TMEM170B: variants seen among roughly 807,000 people sequenced by gnomAD.
The protein encoded by TMEM170B is transmembrane protein 170B.
Under a neutral mutation model 13.0 loss-of-function variants are expected in TMEM170B, and 6 were observed. The observed-to-expected ratio is 0.46, with a 90% CI of 0.25 to 0.91. The LOEUF (loss-of-function observed/expected upper bound fraction) is 0.91, where lower values mean the gene tolerates loss of function less well. Among genes scored for constraint, TMEM170B ranks in the 40% least tolerant of loss-of-function variants. The pLI is 0.17. For missense variants in TMEM170B, 138 were observed against 165.2 expected (o/e 0.84, Z 0.90); for synonymous variants, 61 against 64.9 (o/e 0.94, Z 0.29).
At chr6:11,570,565 T>C (rs893598963) in intron 2 of TMEM170B, among the ~76,000 whole-genome samples, 1 of 152,128 alleles carries the variant, frequency 6.6e-6, no homozygotes, top group Non-Finnish European at 1.5e-5. Context: ...AAATAGAACA[T>C]ATGAATAGGA....
intron 1 of TMEM170B, among the ~76,000 whole-genome samples, chr6:11,549,280 G>A (rs1582139327): frequency 6.6e-6 from 1 of 151,854 alleles, no homozygotes. Context: ...GTGATATCAG[G>A]TGTGATAGGT....
At chr6:11,560,548 C>A (rs372507873) in intron 1 of TMEM170B, among the ~76,000 whole-genome samples, 4 of 146,730 alleles carry the variant, frequency 2.7e-5, no homozygotes, top group African/African-American at 1.0e-4. Flanking sequence ...GAGTTTGAGT[C>A]CAGCCTGGGC....
chr6:11,568,794 CTTCAG>C (rs1479105877), intron 2 of TMEM170B, among the ~76,000 whole-genome samples: 3 of 152,104 alleles, frequency 2.0e-5, no homozygotes, highest in Non-Finnish European at 4.4e-5. Context: ...ATAGCTGTAT[CTTCAG>C]TTCAGTTATT....
intron 2 of TMEM170B, among the ~76,000 whole-genome samples, chr6:11,568,361 A>G (rs1458407706): frequency 6.6e-6 from 1 of 152,200 alleles, no homozygotes; most frequent in Non-Finnish European, 1.5e-5. Context: ...CCACTGTTGT[A>G]ATTGTGCAAC....
chr6:11,576,720 A>C lies in TMEM170B; in HGVS notation c.*1159A>C, dbSNP rs893941659. 10 of 152,178 alleles carry C rather than the reference A, an allele frequency of 6.6e-5. No homozygotes were observed. Among genetic ancestry groups the C allele is most frequent in the African/African-American group, 1.9e-4 (8 of 41,468 alleles). 9.4% of individuals were successfully genotyped at this position (152,178 alleles called of 1,614,324 possible). A position where few individuals can be genotyped will look rare whatever the true frequency, so the allele number is the denominator to read the frequency against. On this transcript the variant is annotated 3_prime_UTR_variant, in exon 3 of 3. Coordinates refer to ENST00000379426, the MANE Select transcript of TMEM170B (RefSeq NM_001100829.3). ...TTTTGCTAAGTAAAAATTGGGGAAT[A>C]TAGTAGATAATTTTAAAATTTGGCA... is the stretch of plus-strand genomic sequence containing the variant.
At chr6:11,558,048 T>C (rs765238834) in intron 1 of TMEM170B, among the ~76,000 whole-genome samples, 1 of 152,222 alleles carries the variant, frequency 6.6e-6, no homozygotes, top group Admixed American at 6.5e-5. Flanking sequence ...TAGCTGGGAC[T>C]ATGGGCTTAT....
chr6:11,539,092 C>T (rs1172818749), intron 1 of TMEM170B, among the ~76,000 whole-genome samples: 3 of 152,166 alleles, frequency 2.0e-5, no homozygotes, highest in Admixed American at 6.5e-5. Flanking sequence ...ACATCAATTT[C>T]TATTTGTAAA....
At chr6:11,566,754 T>C in intron 2 of TMEM170B, among the ~76,000 whole-genome samples, 1 of 152,232 alleles carries the variant, frequency 6.6e-6, no homozygotes, top group East Asian at 1.9e-4. Context: ...GCACCCCTTT[T>C]CCTTCATTCT....
chr6:11,553,309 T>C (rs1305503087), intron 1 of TMEM170B, among the ~76,000 whole-genome samples: 1 of 152,246 alleles, frequency 6.6e-6, no homozygotes, highest in Non-Finnish European at 1.5e-5. Flanking sequence ...GGGTCTACTG[T>C]ATCTTAAAAA....
At chr6:11,559,307 C>CTG (rs1429490192) in intron 1 of TMEM170B, among the ~76,000 whole-genome samples, 1 of 151,708 alleles carries the variant, frequency 6.6e-6, no homozygotes, top group Non-Finnish European at 1.5e-5. Context: ...AGTGATTCTC[C>CTG]CGTCTCAGCC....
chr6:11,552,165 C>T (rs1342148016), intron 1 of TMEM170B, among the ~76,000 whole-genome samples: 1 of 152,050 alleles, frequency 6.6e-6, no homozygotes, highest in Non-Finnish European at 1.5e-5. Context: ...GTTGGGAACA[C>T]CCGATTTTTT....
At chr6:11,540,547 G>A (rs1272151985) in intron 1 of TMEM170B, among the ~76,000 whole-genome samples, 1 of 152,130 alleles carries the variant, frequency 6.6e-6, no homozygotes, top group Admixed American at 6.5e-5. Flanking sequence ...TAGTTCTCTT[G>A]CTATTTCGAC....
At chr6:11,565,412 AG>A (rs1759720422) in intron 1 of TMEM170B, among the ~76,000 whole-genome samples, 1 of 152,200 alleles carries the variant, frequency 6.6e-6, no homozygotes, top group South Asian at 2.1e-4. Context: ...GCTATGTAAT[AG>A]GGGCATTTAG....
intron 1 of TMEM170B, 90 bp from the exon 2 acceptor site, chr6:11,565,576 C>A: frequency 7.2e-7 from 1 of 1,395,646 alleles, no homozygotes. Context: ...TGTCATTTAA[C>A]CTCCCAAACC....
chr6:11,548,516 C>T (rs563316772), intron 1 of TMEM170B, among the ~76,000 whole-genome samples: 7 of 152,186 alleles, frequency 4.6e-5, no homozygotes, highest in African/African-American at 1.4e-4. Flanking sequence ...AAAACTGTGG[C>T]GATTCCTCAG....
chr6:11,545,044 A>T (rs2113762426), intron 1 of TMEM170B, among the ~76,000 whole-genome samples: 1 of 152,242 alleles, frequency 6.6e-6, no homozygotes, highest in Non-Finnish European at 1.5e-5. Flanking sequence ...TTAGAGAAGA[A>T]TTTTTATTTA....
rs749144565 is a variant in TMEM170B at position 11,575,650 on chromosome 6, G to C, written c.*89G>C. 1.5e-5 allele frequency: 23 copies of C among 1,502,252 alleles called. No individual in the cohort carries two copies. The highest frequency in any genetic ancestry group is 2.3e-4 in the Middle Eastern group (1 of 4,260). The allele number at this position is 1,502,252 out of a possible 1,614,324, so 93.1% of individuals were successfully genotyped here. A position where few individuals can be genotyped will look rare whatever the true frequency, so the allele number is the denominator to read the frequency against. Reference sequence around the variant, plus strand: ...ATTGTTAACAAGTGGAAATGAAATTGTGCAAGAATGTGGACTGAGCAGGTC... The same window carrying C: ...ATTGTTAACAAGTGGAAATGAAATTCTGCAAGAATGTGGACTGAGCAGGTC... On this transcript the variant is annotated 3_prime_UTR_variant, in exon 3 of 3. Transcript: ENST00000379426. The surrounding 1 kb of genome is among the most constrained non-coding windows in gnomAD (Gnocchi z 4.1).
rs1759862431 is a variant in TMEM170B at position 11,575,482 on chromosome 6, T to G, written c.320T>G (p.Leu107Trp). 3 of 1,613,566 alleles carry G rather than the reference T, an allele frequency of 1.9e-6. No individual in the cohort carries two copies. The East Asian group carries it at 6.7e-5, about 36-fold the overall frequency. Residue 107 changes from leucine to tryptophan, a missense_variant, in exon 3 of 3, where the codon TTG becomes TGG. Leu to Trp is a moderately conservative substitution (Grantham distance 61, BLOSUM62 -2). Transcript: ENST00000379426. The surrounding 1 kb of genome is among the most constrained non-coding windows in gnomAD (Gnocchi z 4.1). Reference protein sequence around the residue: ...YRVAGKNMAPLEALVWGVGQT... With the variant: ...YRVAGKNMAPWEALVWGVGQT... ...GTAGCTGGGAAGAACATGGCCCCTT[T>G]GGAAGCGCTGGTATGGGGCGTTGGA... is the stretch of plus-strand genomic sequence containing the variant.
At chr6:11,557,577 G>A (rs1222874422) in intron 1 of TMEM170B, among the ~76,000 whole-genome samples, 1 of 152,178 alleles carries the variant, frequency 6.6e-6, no homozygotes, top group Non-Finnish European at 1.5e-5. Context: ...TAATGTAATT[G>A]TGCAGGTAAT....
Sources: gnomAD v4.1 joint callset for allele counts (sites outside exome capture counted in the v4.1 genomes callset) on GRCh38, gnomAD v4.1.1 for gene constraint, Gnocchi (gnomAD v3.1) non-coding constraint, MANE v1.5 for transcripts, NCBI Gene and HGNC (gene_info 2026-07-23, HGNC 2026-07-21) for gene names.